The following STARD3NL variants were observed in gnomAD, a reference collection of about 807,000 sequenced individuals.
STARD3NL encodes the protein STARD3 N-terminal-like protein.
STARD3NL carries 17 observed loss-of-function variants against 30.9 expected under a neutral mutation model. The ratio of observed to expected loss-of-function variants is 0.55; its 90% CI spans 0.38 to 0.82. The LOEUF is 0.82. Ranked by LOEUF, STARD3NL falls within the 40% of genes least tolerant of loss-of-function variation. The pLI is 0.00. For synonymous variants in STARD3NL, 112 were observed against 100.5 expected (o/e 1.11, Z -0.69); for missense variants, 234 against 277.6 (o/e 0.84, Z 1.12).
At chr7:38,186,623 T>C (rs185553157) in intron 1 of STARD3NL, among the ~76,000 whole-genome samples, 1 of 152,352 alleles carries the variant, frequency 6.6e-6, no homozygotes, top group East Asian at 1.9e-4. Context: ...TGTTTCTGTT[T>C]AGATATGCAA....
chr7:38,182,133 C>T (rs182629974), intron 1 of STARD3NL, among the ~76,000 whole-genome samples: 66 of 152,264 alleles, frequency 4.3e-4, no homozygotes, highest in African/African-American at 1.4e-3. Flanking sequence ...AAAAACTTGA[C>T]AATTTGTGTT....
chr7:38,197,015 C>T (rs984982035), intron 1 of STARD3NL, among the ~76,000 whole-genome samples: 4 of 152,094 alleles, frequency 2.6e-5, no homozygotes, highest in Admixed American at 1.3e-4. Flanking sequence ...TGTAGAGCTT[C>T]GTGGTGAAGC....
rs1475898030 is a variant in STARD3NL, at chr7:38,210,970, A to C, written c.225+3241A>C. Among the ~76,000 whole-genome samples, 3 of 152,250 alleles carry C rather than the reference A, an allele frequency of 2.0e-5. No homozygotes were observed. The East Asian group carries it at 5.8e-4, about 29-fold the overall frequency. The stretch of plus-strand genomic sequence containing the variant: ...CTTTTGATCAATTTAATAAACTAAT[A>C]CTGGTCTTGCCTTCCTCATGGGTCC... On this transcript the variant is annotated intron_variant, in intron 2 of 8. Transcript: ENST00000009041.
intron 1 of STARD3NL, among the ~76,000 whole-genome samples, chr7:38,183,531 T>A (rs1784330274): frequency 6.6e-6 from 1 of 152,248 alleles, no homozygotes; most frequent in East Asian, 1.9e-4. Flanking sequence ...TAGTGATTTC[T>A]TTCTGTTTCT....
intron 6 of STARD3NL, among the ~76,000 whole-genome samples, chr7:38,219,014 C>CT (rs1214183695): frequency 1.3e-5 from 2 of 152,022 alleles, no homozygotes; most frequent in Non-Finnish European, 2.9e-5. Context: ...TGATACTGTG[C>CT]TTTTTTGTAG....
chr7:38,222,995 G>T (rs776511160), intron 7 of STARD3NL, among the ~76,000 whole-genome samples: 21 of 152,238 alleles, frequency 1.4e-4, no homozygotes, highest in Middle Eastern at 3.4e-3. Context: ...GTTCTAAGCT[G>T]CTGTTGCCCT....
chr7:38,210,211 C>T (rs1396712066), intron 2 of STARD3NL, among the ~76,000 whole-genome samples: 1 of 152,144 alleles, frequency 6.6e-6, no homozygotes, highest in Non-Finnish European at 1.5e-5. Context: ...TCAGGTGTTG[C>T]AAGCTCTACC....
intron 7 of STARD3NL, among the ~76,000 whole-genome samples, chr7:38,220,978 G>T (rs1205644282): frequency 6.6e-6 from 1 of 151,380 alleles, no homozygotes; most frequent in African/African-American, 2.4e-5. Flanking sequence ...GAAAAGAATA[G>T]AATTCTGACA....
chr7:38,203,501 C>G lies in STARD3NL; in HGVS notation c.-58-3946C>G, dbSNP rs181818657. Among the ~76,000 whole-genome samples, 1,183 of 152,282 alleles carry G rather than the reference C, an allele frequency of 7.8e-3. 13 individuals carry two copies. The highest frequency in any genetic ancestry group is 0.028 in the African/African-American group (1,151 of 41,536). ...AAGCACTAAACATGGAAAGGAACAACCGATACCAGCCACTGCAAAAACATG... is the reference window on the plus strand; with the variant it reads ...AAGCACTAAACATGGAAAGGAACAAGCGATACCAGCCACTGCAAAAACATG... On this transcript the variant is annotated intron_variant, in intron 1 of 8. Coordinates refer to ENST00000009041, the MANE Select transcript of STARD3NL (RefSeq NM_032016.4).
At chr7:38,221,016 C>T (rs1786431665) in intron 7 of STARD3NL, among the ~76,000 whole-genome samples, 1 of 152,192 alleles carries the variant, frequency 6.6e-6, no homozygotes, top group Admixed American at 6.5e-5. Flanking sequence ...GAACTGTGAA[C>T]ACATTATGCT....
chr7:38,219,705 G>A, intron 7 of STARD3NL, 45 bp downstream of exon 7: 1 of 1,510,800 alleles, frequency 6.6e-7, no homozygotes, highest in Non-Finnish European at 9.2e-7. Flanking sequence ...CTCATTCAAA[G>A]GCTCTGCTCT....
At chr7:38,179,219 AT>A (rs1373533420) in intron 1 of STARD3NL, 1 of 152,356 alleles carries the variant, frequency 6.6e-6, no homozygotes, top group African/African-American at 2.4e-5. Flanking sequence ...GTTAGGAAGA[AT>A]TCTGAAAGGT....
At chr7:38,185,611 A>G (rs1390638298) in intron 1 of STARD3NL, among the ~76,000 whole-genome samples, 2 of 152,182 alleles carry the variant, frequency 1.3e-5, no homozygotes, top group Admixed American at 6.5e-5. Flanking sequence ...GGCTCTGTCA[A>G]CTGGAGTGAC....
chr7:38,193,523 C>A (rs112865852), intron 1 of STARD3NL, among the ~76,000 whole-genome samples: 22 of 152,310 alleles, frequency 1.4e-4, no homozygotes, highest in African/African-American at 4.3e-4. Context: ...TGTTCTTGAT[C>A]TCCTGACCTC....
At chr7:38,204,908 C>T (rs1416250870) in intron 1 of STARD3NL, among the ~76,000 whole-genome samples, 2 of 152,108 alleles carry the variant, frequency 1.3e-5, no homozygotes, top group African/African-American at 4.8e-5. Context: ...AATTCCTCGA[C>T]ACATACACCC....
intron 1 of STARD3NL, among the ~76,000 whole-genome samples, chr7:38,191,664 T>G (rs568496392): frequency 6.6e-6 from 1 of 152,316 alleles, no homozygotes; most frequent in Admixed American, 6.5e-5. Flanking sequence ...TTGGATTACT[T>G]TGACAGCTTT....
At chr7:38,227,709 G>A (rs1786856235) in intron 7 of STARD3NL, among the ~76,000 whole-genome samples, 1 of 151,916 alleles carries the variant, frequency 6.6e-6, no homozygotes, top group Non-Finnish European at 1.5e-5. Context: ...TGAAAGCCAT[G>A]CATTTAAAAA....
intron 8 of STARD3NL, among the ~76,000 whole-genome samples, chr7:38,229,716 G>A (rs954510051): frequency 6.6e-6 from 1 of 152,180 alleles, no homozygotes; most frequent in African/African-American, 2.4e-5. Flanking sequence ...TCATGTAGAC[G>A]CGAAGCAAAA....
chr7:38,192,298 GTTT>G (rs1334667441), intron 1 of STARD3NL, among the ~76,000 whole-genome samples: 5 of 121,806 alleles, frequency 4.1e-5, no homozygotes, highest in Non-Finnish European at 5.6e-5. Flanking sequence ...GTTGTTGTTT[GTTT>G]CTTGCTTTTT....
Sources: allele counts gnomAD v4.1 joint callset (sites outside exome capture counted in the v4.1 genomes callset), GRCh38; gene constraint gnomAD v4.1.1; transcripts MANE v1.5; gene names NCBI Gene and HGNC (gene_info 2026-07-23, HGNC 2026-07-21).